The following ITFG1 variants were observed in gnomAD, a reference collection of about 807,000 sequenced individuals.
ITFG1 encodes integrin alpha FG-GAP repeat containing 1.
In ITFG1, 34 loss-of-function variants were observed where a neutral mutation model predicts 81.8. The observed-to-expected ratio is 0.42, with a 90% CI of 0.32 to 0.55. ITFG1 has a LOEUF of 0.55. Ranked by LOEUF, ITFG1 falls within the 20% of genes least tolerant of loss-of-function variation. The pLI is 0.17. For missense variants in ITFG1, 672 were observed against 755.4 expected, an observed-to-expected ratio of 0.89 and a Z score of 1.29; for synonymous variants, 285 against 270.6, an observed-to-expected ratio of 1.05 and a Z score of -0.52.
chr16:47,323,970 T>A (rs568753166), intron 8 of ITFG1, among the ~76,000 whole-genome samples: 22 of 152,308 alleles, frequency 1.4e-4, no homozygotes, highest in African/African-American at 5.1e-4. Context: ...TATGAAGTAT[T>A]AAATGTGCTA....
intron 12 of ITFG1, among the ~76,000 whole-genome samples, chr16:47,253,779 T>A (rs1966107536): frequency 6.6e-6 from 1 of 152,104 alleles, no homozygotes; most frequent in Admixed American, 6.5e-5. Flanking sequence ...GTAATGCCAG[T>A]GATGGGGTGT....
At chr16:47,345,294 T>C (rs1967837068) in intron 8 of ITFG1, among the ~76,000 whole-genome samples, 1 of 150,810 alleles carries the variant, frequency 6.6e-6, no homozygotes, top group Admixed American at 6.6e-5. Flanking sequence ...AAAAACTCTT[T>C]TTTTTTTTGT....
intron 8 of ITFG1, among the ~76,000 whole-genome samples, chr16:47,329,528 C>A (rs1218777414): frequency 1.3e-5 from 2 of 152,062 alleles, no homozygotes; most frequent in Non-Finnish European, 2.9e-5. Flanking sequence ...ATTTCTAAGC[C>A]TCAGTTTCTT....
chr16:47,372,002 C>G (rs547623981), intron 7 of ITFG1, among the ~76,000 whole-genome samples: 8 of 151,952 alleles, frequency 5.3e-5, no homozygotes, highest in Admixed American at 3.9e-4. Flanking sequence ...CAAGCTCCAC[C>G]TCCCAGGTTC....
At chr16:47,300,257 T>G (rs973139997) in intron 10 of ITFG1, among the ~76,000 whole-genome samples, 20 of 152,372 alleles carry the variant, frequency 1.3e-4, no homozygotes, top group Middle Eastern at 6.8e-3. Context: ...TGCTTTTCTG[T>G]TGACTTCCTC....
intron 11 of ITFG1, among the ~76,000 whole-genome samples, chr16:47,259,504 A>G (rs945112085): frequency 1.1e-4 from 17 of 152,216 alleles, no homozygotes; most frequent in Non-Finnish European, 1.9e-4. Flanking sequence ...GAAAAGTGAA[A>G]TAACACAAGA....
At chr16:47,396,258 G>C in intron 6 of ITFG1, 2 of 666,350 alleles carry the variant, frequency 3.0e-6, no homozygotes, top group Non-Finnish European at 3.7e-6. Context: ...GTTAGCTGTT[G>C]CTAAAATGTA....
At chr16:47,217,720 G>A (rs1261681129) in intron 14 of ITFG1, among the ~76,000 whole-genome samples, 6 of 152,092 alleles carry the variant, frequency 3.9e-5, no homozygotes, top group East Asian at 1.9e-4. Context: ...GTCAGGAGAC[G>A]GAGATTATCC....
At chr16:47,174,953 T>A (rs913536296) in intron 14 of ITFG1, among the ~76,000 whole-genome samples, 1 of 152,256 alleles carries the variant, frequency 6.6e-6, no homozygotes, top group Admixed American at 6.5e-5. Flanking sequence ...CACATTCAGA[T>A]AATCAATATT....
At chr16:47,198,602 C>A (rs889624577) in intron 14 of ITFG1, among the ~76,000 whole-genome samples, 15 of 152,082 alleles carry the variant, frequency 9.9e-5, no homozygotes, top group Admixed American at 9.2e-4. Flanking sequence ...GTAAAACAGC[C>A]TCAGGTAGGC....
At chr16:47,269,468 G>C (rs1247524568) in intron 10 of ITFG1, among the ~76,000 whole-genome samples, 1 of 100,668 alleles carries the variant, frequency 9.9e-6, no homozygotes, top group Non-Finnish European at 1.9e-5. Context: ...GGGCAACATA[G>C]AAAGACCCTG....
chr16:47,428,129 C>A (rs1328143252), intron 6 of ITFG1, among the ~76,000 whole-genome samples: 4 of 152,118 alleles, frequency 2.6e-5, no homozygotes, highest in African/African-American at 7.2e-5. Context: ...CAGAGTGAGA[C>A]CCTCTCAAAA....
At position 47,218,848 on chromosome 16, in the gene ITFG1, G is replaced by C. The variant is rs370251060; in HGVS notation, c.1453+20C>G. On this transcript the variant is annotated intron_variant, in intron 14 of 17. Transcript: ENST00000320640. ...ACTGAAGAAGCTTTTATACATTATG[G>C]ACAATGTATCTGGTCTTACCTGATC... The C allele has an allele frequency of 2.0e-5, 29 of 1,453,998 alleles. No individual in the cohort carries two copies. Among genetic ancestry groups the C allele is most frequent in the Non-Finnish European group, 2.5e-5 (27 of 1,061,716 alleles). The allele number at this position is 1,453,998 out of a possible 1,614,324, so 90.1% of individuals were successfully genotyped here.
chr16:47,327,183 T>C (rs1436761449), intron 8 of ITFG1, among the ~76,000 whole-genome samples: 1 of 152,078 alleles, frequency 6.6e-6, no homozygotes, highest in Non-Finnish European at 1.5e-5. Context: ...TATCTACAAC[T>C]ATCTGATCTT....
chr16:47,278,859 TATG>T (rs1365955577), intron 10 of ITFG1, among the ~76,000 whole-genome samples: 1 of 152,180 alleles, frequency 6.6e-6, no homozygotes, highest in Non-Finnish European at 1.5e-5. Flanking sequence ...ATGTACAATT[TATG>T]ATAAGGGAAT....
chr16:47,277,238 T>C (rs1218661322), intron 10 of ITFG1, among the ~76,000 whole-genome samples: 4 of 152,244 alleles, frequency 2.6e-5, no homozygotes, highest in Non-Finnish European at 5.9e-5. Flanking sequence ...TTGCTTGTTT[T>C]ATTGGAAATA....
intron 6 of ITFG1, among the ~76,000 whole-genome samples, chr16:47,381,983 G>A (rs547713876): frequency 9.2e-5 from 14 of 152,360 alleles, no homozygotes; most frequent in Admixed American, 4.6e-4. Flanking sequence ...AAGACAGACA[G>A]TAGTAAGTGA....
chr16:47,310,423 A>C (rs1053790408), intron 10 of ITFG1, among the ~76,000 whole-genome samples: 22 of 152,342 alleles, frequency 1.4e-4, no homozygotes, highest in African/African-American at 5.1e-4. Flanking sequence ...ATAAGGGCTA[A>C]GGAATATAAT....
intron 5 of ITFG1, among the ~76,000 whole-genome samples, chr16:47,431,574 T>C (rs1463445423): frequency 6.6e-6 from 1 of 152,200 alleles, no homozygotes; most frequent in African/African-American, 2.4e-5. Flanking sequence ...GGGTTCCCTT[T>C]GCAGTTATAA....
Sources: gnomAD v4.1 joint callset for allele counts (sites outside exome capture counted in the v4.1 genomes callset) on GRCh38, gnomAD v4.1.1 for gene constraint, MANE v1.5 for transcripts, NCBI Gene and HGNC (gene_info 2026-07-23, HGNC 2026-07-21) for gene names.